The following MORN1 variants were observed in gnomAD, a reference collection of about 807,000 sequenced individuals.
The protein encoded by MORN1 is MORN repeat-containing protein 1.
A neutral mutation model predicts 61.9 loss-of-function variants in MORN1; 67 were observed. The ratio of observed to expected loss-of-function variants is 1.08; its 90% CI spans 0.89 to 1.33. The LOEUF is 1.33. Among genes scored for constraint, MORN1 ranks in the 40% most tolerant of loss-of-function variants. The probability of loss-of-function intolerance (pLI) is 0.00; values close to 1 mark genes in which losing one functional copy is unlikely to be tolerated. For missense variants in MORN1, 752 were observed against 691.2 expected, an observed-to-expected ratio of 1.09 and a Z score of -0.99; for synonymous variants, 301 against 292.0, an observed-to-expected ratio of 1.03 and a Z score of -0.31.
chr1:2,385,242 G>T, intron 5 of MORN1, 177 bp from the exon 6 acceptor site: 1 of 635,622 alleles, frequency 1.6e-6, no homozygotes, highest in Non-Finnish European at 2.7e-6. Flanking sequence ...GCCGACGACA[G>T]GCGGTGGGGA....
At position 2,324,085 on chromosome 1, in the gene MORN1, C is replaced by T. The variant is rs3737638; in HGVS notation, c.1297+12G>A. 1,825 of 1,593,910 alleles carry T rather than the reference C, an allele frequency of 1.1e-3. 18 individuals are homozygous for T. In the East Asian group the frequency reaches 0.022, roughly 19 times the overall value. ...GCACAGCCGGCGATGGACTTGGGCC[C>T]TGTCCACCTACCTAGGTGTGCTGCC... On this transcript the variant is annotated intron_variant, in intron 13 of 13. Coordinates refer to ENST00000378531, the MANE Select transcript of MORN1 (RefSeq NM_024848.3).
intron 12 of MORN1, among the ~76,000 whole-genome samples, chr1:2,331,774 T>C (rs1264517641): frequency 3.3e-5 from 5 of 152,014 alleles, no homozygotes; most frequent in Admixed American, 6.5e-5. Context: ...GCGCCGTCCT[T>C]CTTATGTAAC....
chr1:2,341,847 T>C (rs2843138), intron 10 of MORN1, among the ~76,000 whole-genome samples: 133,509 of 152,324 alleles, frequency 0.88, 58,879 homozygotes, highest in Middle Eastern at 0.96. Flanking sequence ...GTCTGAGTGG[T>C]GCCCGCCAGC....
At chr1:2,323,250 C>A (rs1438196551) in intron 13 of MORN1, 1 of 985,292 alleles carries the variant, frequency 1.0e-6, no homozygotes, top group East Asian at 1.1e-4. Flanking sequence ...CAGCCCCGGC[C>A]ACACGGGTGC....
intron 10 of MORN1, among the ~76,000 whole-genome samples, chr1:2,348,735 A>G (rs1292480973): frequency 3.0e-4 from 6 of 20,234 alleles, no homozygotes; most frequent in South Asian, 2.4e-3. Context: ...GCACACGCAC[A>G]CCTGCGCGGG....
chr1:2,389,324 A>G (rs1163454886), intron 2 of MORN1, among the ~76,000 whole-genome samples: 1 of 152,150 alleles, frequency 6.6e-6, no homozygotes, highest in Non-Finnish European at 1.5e-5. Flanking sequence ...GCTGGAGTGC[A>G]GTGGCACAAT....
At chr1:2,342,867 A>ATTTATTTTATTTTATTTAT (rs1641428819) in intron 10 of MORN1, among the ~76,000 whole-genome samples, 1 of 101,126 alleles carries the variant, frequency 9.9e-6, no homozygotes, top group Non-Finnish European at 2.2e-5. Flanking sequence ...ATTTTATTTT[A>ATTTATTTTATTTTATTTAT]TTTATTTTAT....
intron 10 of MORN1, among the ~76,000 whole-genome samples, chr1:2,348,737 C>A (rs1641578796): frequency 5.8e-5 from 1 of 17,302 alleles, no homozygotes; most frequent in African/African-American, 2.9e-4. Context: ...ACACGCACAC[C>A]TGCGCGGGCA....
intron 12 of MORN1, chr1:2,332,814 G>A (rs1385283038): frequency 6.9e-6 from 3 of 437,530 alleles, no homozygotes; most frequent in Non-Finnish European, 1.4e-5. Flanking sequence ...GGAGACGAGG[G>A]GAGAAGCCGG....
At chr1:2,378,762 C>T (rs1469522990) in intron 6 of MORN1, 1 of 365,724 alleles carries the variant, frequency 2.7e-6, no homozygotes, top group Non-Finnish European at 5.3e-6. Context: ...ACGTGTGGGG[C>T]CTGCCCAAGC....
Position 2,322,590 on chromosome 1 carries a change from AG to A in MORN1, c.1298-1012del, listed in dbSNP as rs576040171. The A allele has an allele frequency of 4.0e-3, 3,894 of 983,994 alleles. 12 individuals are homozygous for A. Among genetic ancestry groups the A allele is most frequent in the Non-Finnish European group, 4.2e-3 (3,444 of 829,684 alleles). The allele number at this position is 983,994 out of a possible 1,614,324, so 61.0% of individuals were successfully genotyped here. A position where few individuals can be genotyped will look rare whatever the true frequency, so the allele number is the denominator to read the frequency against. On this transcript the variant is annotated intron_variant, in intron 13 of 13. Transcript: ENST00000378531. ...AAACACGGTTCTGGGGGGCCTCGCC[AG>A]GGGGACACACGTTCTGCAACCTGGC...
chr1:2,341,539 A>G (rs928500411), intron 10 of MORN1, among the ~76,000 whole-genome samples: 6 of 152,032 alleles, frequency 3.9e-5, no homozygotes, highest in African/African-American at 1.5e-4. Context: ...AAAAATACAA[A>G]AATTAGCCAG....
intron 12 of MORN1, chr1:2,332,282 C>G (rs1641174806): frequency 3.9e-6 from 1 of 259,710 alleles, no homozygotes; most frequent in Non-Finnish European, 7.6e-6. Context: ...GAAGGGGACA[C>G]AGATGTGGCT....
At chr1:2,383,275 G>A (rs948891558) in intron 6 of MORN1, among the ~76,000 whole-genome samples, 1 of 152,338 alleles carries the variant, frequency 6.6e-6, no homozygotes, top group African/African-American at 2.4e-5. Context: ...CCTATGGCCA[G>A]GGCCAGTGGC....
chr1:2,324,434 CCA>C (rs1308692709), intron 12 of MORN1, among the ~76,000 whole-genome samples: 1 of 152,216 alleles, frequency 6.6e-6, no homozygotes, highest in Non-Finnish European at 1.5e-5. Context: ...CACCCCATTT[CCA>C]CAGTCTTCTG....
At chr1:2,350,103 G>A (rs1016139335) in intron 10 of MORN1, among the ~76,000 whole-genome samples, 4 of 152,208 alleles carry the variant, frequency 2.6e-5, no homozygotes, top group Non-Finnish European at 4.4e-5. Context: ...GGACACAAAA[G>A]GGTTCTGCAC....
chr1:2,370,964 G>A (rs1393553510), intron 8 of MORN1, among the ~76,000 whole-genome samples: 9 of 151,948 alleles, frequency 5.9e-5, no homozygotes, highest in Non-Finnish European at 1.5e-5. Flanking sequence ...CCAGCACTTT[G>A]GGAGGCCAAG....
chr1:2,346,903 A>AC (rs1232821010), intron 10 of MORN1, among the ~76,000 whole-genome samples: 1 of 151,368 alleles, frequency 6.6e-6, no homozygotes. Flanking sequence ...CTCCCTGCCC[A>AC]CCCCCGGCCC....
intron 8 of MORN1, 138 bp from the exon 9 acceptor site, chr1:2,358,853 C>A (rs1641833071): frequency 9.6e-7 from 1 of 1,038,402 alleles, no homozygotes; most frequent in Non-Finnish European, 1.4e-6. Context: ...CCCTGGTGGG[C>A]TGAGGACCCC....
Sources: allele counts gnomAD v4.1 joint callset (sites outside exome capture counted in the v4.1 genomes callset), GRCh38; gene constraint gnomAD v4.1.1; transcripts MANE v1.5; gene names NCBI Gene and HGNC (gene_info 2026-07-23, HGNC 2026-07-21).